Variants in CNNM2 observed in about 807,000 individuals in gnomAD.
CNNM2 encodes the protein metal transporter CNNM2.
Under a neutral mutation model 66.9 loss-of-function variants are expected in CNNM2, and 12 were observed. The ratio of observed to expected loss-of-function variants is 0.18; its 90% CI spans 0.11 to 0.29. CNNM2 has a LOEUF of 0.29. Among genes scored for constraint, CNNM2 ranks in the 10% least tolerant of loss-of-function variants. The pLI is 1.00. For missense variants in CNNM2, 705 were observed against 1,167.7 expected, an observed-to-expected ratio of 0.60 and a Z score of 5.77; for synonymous variants, 557 against 501.8, an observed-to-expected ratio of 1.11 and a Z score of -1.47.
chr10:102,928,397 A>G (rs1350648233), intron 1 of CNNM2, among the ~76,000 whole-genome samples: 2 of 151,964 alleles, frequency 1.3e-5, no homozygotes, highest in East Asian at 3.9e-4. Context: ...CCTGGCCAAC[A>G]TGATGAAACC....
chr10:102,958,706 G>A (rs888109913), intron 1 of CNNM2, among the ~76,000 whole-genome samples: 7 of 151,872 alleles, frequency 4.6e-5, no homozygotes, highest in African/African-American at 7.3e-5. Flanking sequence ...CTGATCTCAG[G>A]TGATCTACAT....
At chr10:102,941,849 G>A (rs1846447642) in intron 1 of CNNM2, among the ~76,000 whole-genome samples, 1 of 152,150 alleles carries the variant, frequency 6.6e-6, no homozygotes, top group African/African-American at 2.4e-5. Context: ...GGACTTGTCT[G>A]TCTTGTTCAC....
At chr10:102,942,056 A>C (rs1382701951) in intron 1 of CNNM2, among the ~76,000 whole-genome samples, 1 of 152,258 alleles carries the variant, frequency 6.6e-6, no homozygotes, top group Non-Finnish European at 1.5e-5. Flanking sequence ...CTTTTTGTAT[A>C]TCTTTTCACC....
chr10:103,010,514 G>A (rs2064321749), intron 1 of CNNM2, among the ~76,000 whole-genome samples: 1 of 152,162 alleles, frequency 6.6e-6, no homozygotes, highest in South Asian at 2.1e-4. Context: ...ATAGGCATGA[G>A]CCACTGTACC....
At position 102,976,611 on chromosome 10, in the gene CNNM2, A is replaced by AT. The variant is rs66498944; in HGVS notation, c.1621+56538dup. 0.02 allele frequency among the ~76,000 whole-genome samples: 1,178 copies of AT among 59,286 alleles called. 105 individuals are homozygous for AT. Among genetic ancestry groups the AT allele is most frequent in the Admixed American group, 0.062 (288 of 4,628 alleles). 38.9% of individuals were successfully genotyped at this position (59,286 alleles called of 152,430 possible). ...CAGGTGTGCGCCACACGCCCAGGTA[A>AT]TTTTTTTTTTTTTTTTTTTTTTTTT... On this transcript the variant is annotated intron_variant, in intron 1 of 7. Transcript: ENST00000369878.
At chr10:102,966,120 C>A (rs958483309) in intron 1 of CNNM2, among the ~76,000 whole-genome samples, 1 of 152,072 alleles carries the variant, frequency 6.6e-6, no homozygotes, top group African/African-American at 2.4e-5. Flanking sequence ...ATTCAGTTGT[C>A]AAATTTGCTT....
intron 1 of CNNM2, among the ~76,000 whole-genome samples, chr10:103,014,615 A>G (rs1479807450): frequency 2.0e-5 from 3 of 152,224 alleles, no homozygotes; most frequent in Non-Finnish European, 2.9e-5. Flanking sequence ...AACCTTAAAT[A>G]TACTTAAAAA....
At chr10:102,963,651 T>TC (rs926876252) in intron 1 of CNNM2, among the ~76,000 whole-genome samples, 36 of 152,286 alleles carry the variant, frequency 2.4e-4, no homozygotes, top group Non-Finnish European at 4.4e-4. Flanking sequence ...TTTCTTTTTT[T>TC]TTATTAAACA....
chr10:103,064,388 GTTT>G (rs71019653), intron 4 of CNNM2, among the ~76,000 whole-genome samples: 1 of 151,836 alleles, frequency 6.6e-6, no homozygotes, highest in Non-Finnish European at 1.5e-5. Flanking sequence ...GTAGATAGCT[GTTT>G]TTTTTGTTTT....
rs772144701 is a variant in CNNM2, at chr10:103,089,804, G to C, written c.*12624G>C. The C allele has an allele frequency of 1.2e-6, 2 of 1,614,156 alleles. No individual in the cohort carries two copies. The highest frequency in any genetic ancestry group is 2.2e-5 in the South Asian group (2 of 91,078). ...ACCGTGTCAGCTGGTGCCGCTTGTA[G>C]TCAGTGTCTTTGAAATCCACTGATG... On this transcript the variant is annotated 3_prime_UTR_variant, in exon 8 of 8. Coordinates refer to ENST00000369878, the MANE Select transcript of CNNM2 (RefSeq NM_017649.5).
At chr10:103,044,763 T>TA (rs1010500769) in intron 1 of CNNM2, among the ~76,000 whole-genome samples, 14 of 152,172 alleles carry the variant, frequency 9.2e-5, no homozygotes, top group African/African-American at 2.7e-4. Context: ...ATTCCAAAGT[T>TA]AAAAGAATGT....
intron 1 of CNNM2, among the ~76,000 whole-genome samples, chr10:103,032,720 A>G (rs1259960824): frequency 7.1e-6 from 1 of 141,240 alleles, no homozygotes. Context: ...ATAGAATCCT[A>G]CTATATCCAC....
chr10:102,955,694 C>A (rs904379918), intron 1 of CNNM2, among the ~76,000 whole-genome samples: 8 of 152,042 alleles, frequency 5.3e-5, no homozygotes, highest in Admixed American at 2.0e-4. Context: ...AACAAACAAC[C>A]CCATCAAAAA....
intron 1 of CNNM2, chr10:102,927,716 G>GATCA (rs1400578482): frequency 3.4e-6 from 1 of 298,430 alleles, no homozygotes; most frequent in Non-Finnish European, 6.3e-6. Flanking sequence ...CGTGAGCTGA[G>GATCA]ATCACGTCAC....
Position 102,918,624 on chromosome 10 carries a change from G to C in CNNM2, c.144G>C (p.Leu48=). 6.5e-7 allele frequency: 1 copy of C among 1,543,384 alleles called. No homozygotes were observed. Residue 48 remains leucine (L), a synonymous_variant, in exon 1 of 8, where the codon CTG becomes CTC. Transcript: ENST00000369878. This position sits in a 1 kb window ranked among gnomAD's most constrained non-coding sequence, Gnocchi z 4.1. The part of the protein sequence containing the change: ...RGILQAAAGR[L]LPLLLLSCCC... ...TCCTGCAGGCGGCTGCGGGGCGGCT[G>C]CTGCCGCTGCTCCTGCTGAGCTGCT...
intron 1 of CNNM2, among the ~76,000 whole-genome samples, chr10:102,983,145 C>T (rs1327822676): frequency 6.6e-6 from 1 of 151,498 alleles, no homozygotes; most frequent in Non-Finnish European, 1.5e-5. Flanking sequence ...AATTTCCTCC[C>T]AGGATTGAAA....
At chr10:103,076,482 T>C (rs1213701356) in intron 7 of CNNM2, among the ~76,000 whole-genome samples, 1 of 152,206 alleles carries the variant, frequency 6.6e-6, no homozygotes, top group East Asian at 1.9e-4. Flanking sequence ...TTCTATCCAA[T>C]GAGCTGCCAA....
At chr10:102,927,518 G>A in intron 1 of CNNM2, 1 of 1,485,048 alleles carries the variant, frequency 6.7e-7, no homozygotes, top group South Asian at 1.2e-5. Flanking sequence ...CCGGCACTTT[G>A]GGAGGCCCAG....
At chr10:103,049,889 G>T in intron 2 of CNNM2, 39 bp downstream of exon 2, 1 of 1,600,842 alleles carries the variant, frequency 6.2e-7, no homozygotes. Flanking sequence ...CGAAACCTTT[G>T]CTTTTTTTGT....
Sources: allele counts gnomAD v4.1 joint callset (sites outside exome capture counted in the v4.1 genomes callset), GRCh38; gene constraint gnomAD v4.1.1; non-coding constraint Gnocchi (gnomAD v3.1); transcripts MANE v1.5; gene names NCBI Gene and HGNC (gene_info 2026-07-23, HGNC 2026-07-21).